MYO1H: variants seen among roughly 807,000 people sequenced by gnomAD.
MYO1H encodes the protein unconventional myosin-Ih.
MYO1H carries 118 observed loss-of-function variants against 149.3 expected under a neutral mutation model. That is an observed-to-expected ratio of 0.79 (90% confidence interval 0.68 to 0.92). The LOEUF is 0.92. MYO1H is among the 40% of genes least tolerant of loss of function. The pLI is 0.00. For synonymous variants in MYO1H, 447 were observed against 465.2 expected, an observed-to-expected ratio of 0.96 and a Z score of 0.50; for missense variants, 1,212 against 1,280.7, an observed-to-expected ratio of 0.95 and a Z score of 0.82.
rs1592802237 is a variant in MYO1H at position 109,411,625 on chromosome 12, G to A, written c.1411-269G>A. The stretch of plus-strand genomic sequence containing the variant: ...CGAGGTTGGTCATAGTAGCTGTGTG[G>A]AGTATCCTTGGGAAGACTTTGAGTC... On this transcript the variant is annotated intron_variant, in intron 13 of 31. Transcript: ENST00000310903. Among the ~76,000 whole-genome samples the A allele has an allele frequency of 2.6e-5, 4 of 152,302 alleles. 1 individual carries two copies. The highest frequency in any genetic ancestry group is 2.6e-4 in the Admixed American group (4 of 15,286).
the MYO1H span, among the ~76,000 whole-genome samples, chr12:109,327,739 CAA>C: frequency 1.6e-3 from 133 of 85,640 alleles, no homozygotes; most frequent in East Asian, 0.029. Flanking sequence ...AAAACTGTCT[CAA>C]AAAAAAAAAA....
the MYO1H span, among the ~76,000 whole-genome samples, chr12:109,318,986 T>TGG: frequency 6.8e-6 from 1 of 146,642 alleles, no homozygotes; most frequent in African/African-American, 2.5e-5. Flanking sequence ...TTTTTTTTTT[T>TGG]TTTTTTTTGC....
chr12:109,411,171 T>C, intron 13 of MYO1H, among the ~76,000 whole-genome samples: 1 of 152,000 alleles, frequency 6.6e-6, no homozygotes, highest in East Asian at 1.9e-4. Flanking sequence ...AAAAAAAGGG[T>C]TGAGCCAGGG....
chr12:109,318,967 G>GTTTTTTTTTT, the MYO1H span, among the ~76,000 whole-genome samples: 141 of 79,604 alleles, frequency 1.8e-3, 13 homozygotes, highest in African/African-American at 4.9e-3. Context: ...TGCGTTTTTG[G>GTTTTTTTTTT]TTTTGTTTTT....
intron 20 of MYO1H, among the ~76,000 whole-genome samples, chr12:109,434,340 T>G (rs1871767524): frequency 6.6e-6 from 1 of 152,088 alleles, no homozygotes. Flanking sequence ...ATCCACATTA[T>G]TTGTCTGGCT....
intron 16 of MYO1H, among the ~76,000 whole-genome samples, chr12:109,422,911 CA>C (rs1278361913): frequency 2.0e-5 from 3 of 151,590 alleles, no homozygotes; most frequent in Non-Finnish European, 2.9e-5. Context: ...CCATCCTTAT[CA>C]AAAAAAATTA....
chr12:109,357,907 A>T (rs377577348), intron 1 of MYO1H, among the ~76,000 whole-genome samples: 14 of 152,030 alleles, frequency 9.2e-5, no homozygotes, highest in African/African-American at 3.4e-4. Context: ...TTTTCTCCCA[A>T]CCATTTAAAA....
chr12:109,343,432 A>T (rs972555059), upstream of MYO1H, among the ~76,000 whole-genome samples: 6 of 152,250 alleles, frequency 3.9e-5, no homozygotes, highest in African/African-American at 1.4e-4. Flanking sequence ...CAACAAAAAA[A>T]TTCTTTTTAG....
rs1470019130 is a variant in MYO1H, at chr12:109,425,159, CATAAA to C, written c.1725+333_1725+337del. 2.0e-5 allele frequency among the ~76,000 whole-genome samples: 3 copies of C among 152,038 alleles called. No homozygotes were observed. In the East Asian group the frequency reaches 5.8e-4, roughly 29 times the overall value. On this transcript the variant is annotated intron_variant, in intron 17 of 31. Coordinates refer to ENST00000310903, the Ensembl canonical transcript of MYO1H. The stretch of plus-strand genomic sequence containing the variant: ...AGACAAAACTTGGGTGCATTAAAAA[CATAAA>C]AGAAAGAAAGAAAAAATCAATTAGC...
intron 1 of MYO1H, among the ~76,000 whole-genome samples, chr12:109,369,899 T>C (rs1868945886): frequency 1.3e-5 from 2 of 152,178 alleles, no homozygotes; most frequent in Admixed American, 1.3e-4. Flanking sequence ...CAGTTCCACA[T>C]GGCTTGGGAG....
intron 1 of MYO1H, among the ~76,000 whole-genome samples, chr12:109,376,872 A>G (rs1355936350): frequency 6.6e-6 from 1 of 152,234 alleles, no homozygotes; most frequent in African/African-American, 2.4e-5. Context: ...ATTGAATCTA[A>G]GGACCAGTGT....
chr12:109,370,156 C>G (rs761744240), intron 1 of MYO1H, among the ~76,000 whole-genome samples: 29 of 152,152 alleles, frequency 1.9e-4, no homozygotes, highest in Non-Finnish European at 3.2e-4. Context: ...ACAGCCAAAC[C>G]ATATCACTCC....
At chr12:109,436,274 A>G (rs977924627) in intron 21 of MYO1H, among the ~76,000 whole-genome samples, 2 of 152,142 alleles carry the variant, frequency 1.3e-5, no homozygotes, top group Non-Finnish European at 2.9e-5. Context: ...AAAGGCAGGA[A>G]GGAAACTCCA....
At chr12:109,440,349 C>T (rs545163449) in intron 24 of MYO1H, among the ~76,000 whole-genome samples, 1 of 152,018 alleles carries the variant, frequency 6.6e-6, no homozygotes, top group African/African-American at 2.4e-5. Flanking sequence ...AGAGTACTTT[C>T]GAATCATTTC....
rs776694725 is a variant in MYO1H at position 109,415,759 on chromosome 12, GTCTT to G, written c.1597+143_1597+146del. ...CCTCGCGTTCAAGCCATTTGAAAAA[GTCTT>G]TCTAATTGTATTTATTATTTTTGTA... On this transcript the variant is annotated intron_variant, in intron 15 of 31. Coordinates refer to ENST00000310903, the Ensembl canonical transcript of MYO1H. 38 of 492,850 alleles carry G rather than the reference GTCTT, an allele frequency of 7.7e-5. 1 individual carries two copies. The highest frequency in any genetic ancestry group is 4.9e-4 in the Admixed American group (13 of 26,472). The allele number at this position is 492,850 out of a possible 1,614,324, so 30.5% of individuals were successfully genotyped here.
the MYO1H span, among the ~76,000 whole-genome samples, chr12:109,313,012 G>A: frequency 3.0e-4 from 46 of 151,910 alleles, no homozygotes; most frequent in African/African-American, 1.0e-3. Flanking sequence ...AGGCCGAGGC[G>A]GGTGGATGCT....
At chr12:109,324,604 C>A in the MYO1H span, among the ~76,000 whole-genome samples, 1 of 152,068 alleles carries the variant, frequency 6.6e-6, no homozygotes, top group East Asian at 1.9e-4. Context: ...CTCAGGGAGC[C>A]AAGAGTGAAG....
intron 1 of MYO1H, among the ~76,000 whole-genome samples, chr12:109,385,819 C>T (rs1473774414): frequency 1.3e-5 from 2 of 152,118 alleles, no homozygotes. Context: ...TAACATTCTG[C>T]CATTCCGTTT....
At chr12:109,320,501 G>A in the MYO1H span, among the ~76,000 whole-genome samples, 9 of 144,564 alleles carry the variant, frequency 6.2e-5, no homozygotes, top group African/African-American at 2.3e-4. Flanking sequence ...GCATGTGCCT[G>A]TAATCTCAGC....
Sources: gnomAD v4.1 joint callset for allele counts (sites outside exome capture counted in the v4.1 genomes callset) on GRCh38, gnomAD v4.1.1 for gene constraint, MANE v1.5 for transcripts, NCBI Gene and HGNC (gene_info 2026-07-23, HGNC 2026-07-21) for gene names.